Variants in HLA-B observed in about 807,000 individuals in gnomAD.
HLA-B encodes major histocompatibility complex, class I, B, also known as HLA class I antigen HLA-B.
HLA-B carries 31 observed loss-of-function variants against 41.5 expected under a neutral mutation model. That is an observed-to-expected ratio of 0.75 (90% confidence interval 0.56 to 1.01). The LOEUF (loss-of-function observed/expected upper bound fraction) is 1.01, where lower values mean the gene tolerates loss of function less well. HLA-B is among the 50% of genes least tolerant of loss of function. The pLI is 0.00. For synonymous variants in HLA-B, 138 were observed against 189.0 expected (o/e 0.73, Z 2.21); for missense variants, 369 against 457.2 (o/e 0.81, Z 1.76).
Position 31,354,035 on chromosome 6 carries a change from G to C in HLA-B, c.*266C>G, listed in dbSNP as rs1461712630. 1 of 387,578 alleles carries C rather than the reference G, an allele frequency of 2.6e-6. No individual in the cohort carries two copies. The highest frequency in any genetic ancestry group is 4.0e-5 in the Admixed American group (1 of 24,836). 24.0% of individuals were successfully genotyped at this position (387,578 alleles called of 1,614,324 possible). A position where few individuals can be genotyped will look rare whatever the true frequency, so the allele number is the denominator to read the frequency against. On this transcript the variant is annotated 3_prime_UTR_variant, in exon 8 of 8. Coordinates refer to ENST00000412585, the MANE Select transcript of HLA-B (RefSeq NM_005514.8). ...GAAGTTGCAGCTCAGTGCACGTAAA[G>C]TTGAGACAGAGATGGAGACATCCAG...
chr6:31,354,535 G>T lies in HLA-B; in HGVS notation c.1046-9C>A. ...CTGGGCACTGTCGCTGCCTGGAGTA[G>T]AACAAAAACAGGACCTGGTCAGAGC... On this transcript the variant is annotated splice_polypyrimidine_tract_variant and intron_variant, in intron 6 of 7. Coordinates refer to ENST00000412585, the MANE Select transcript of HLA-B (RefSeq NM_005514.8). The T allele has an allele frequency of 2.2e-6, 3 of 1,358,632 alleles. No homozygotes were observed. Among genetic ancestry groups the T allele is most frequent in the South Asian group, 2.5e-5 (2 of 79,952 alleles). 84.2% of individuals were successfully genotyped at this position (1,358,632 alleles called of 1,614,324 possible). A position where few individuals can be genotyped will look rare whatever the true frequency, so the allele number is the denominator to read the frequency against.
At chr6:31,356,466 C>CCCGT in intron 2 of HLA-B, 24 bp from the exon 3 acceptor site, 3 of 718,962 alleles carry the variant, frequency 4.2e-6, no homozygotes, top group Non-Finnish European at 3.7e-6. Flanking sequence ...CGCGGTCAGC[C>CCCGT]CAGTCCCCCG....
Position 31,356,840 on chromosome 6 carries a change from G to A in HLA-B, c.191C>T (p.Ala64Val), listed in dbSNP as rs41552516. 8.3e-7 allele frequency: 1 copy of A among 1,198,050 alleles called. No homozygotes were observed. Among genetic ancestry groups the A allele is most frequent in the Non-Finnish European group, 1.1e-6 (1 of 900,556 alleles). The allele number at this position is 1,198,050 out of a possible 1,614,324, so 74.2% of individuals were successfully genotyped here. Residue 64 changes from alanine to valine, a missense_variant, in exon 2 of 8, where the codon GCC (alanine) becomes GTC (valine). By Grantham distance (64) the Ala-to-Val change is moderately conservative. Coordinates refer to ENST00000412585, the MANE Select transcript of HLA-B (RefSeq NM_005514.8). ...DTQFVRFDSD[A>V]ASPREEPRAP... ...CCGCGGCTCCTCTCTCGGACTCGCG[G>A]CGTCGCTGTCGAACCTCACGAACTG...
chr6:31,354,979 T>C (rs41547514), intron 5 of HLA-B, 128 bp downstream of exon 5: 48 of 344,250 alleles, frequency 1.4e-4, no homozygotes, highest in Middle Eastern at 1.7e-3. Context: ...GCACACAGGG[T>C]CCCAGGCTGC....
In HLA-B at chr6:31,356,772, T is replaced by G. The variant is rs1050570; in HGVS notation, c.259A>C (p.Asn87His). 5.4e-4 allele frequency: 552 copies of G among 1,029,026 alleles called. 1 individual carries two copies. The highest frequency in any genetic ancestry group is 4.0e-3 in the South Asian group (219 of 55,112). The allele number at this position is 1,029,026 out of a possible 1,614,324, so 63.7% of individuals were successfully genotyped here. Reference sequence around the variant, plus strand: ...GCCTGGGCCTTGTAGATCTGTGTGTTCCGGTCCCAATACTCCGGCCCCTCC... The same window carrying G: ...GCCTGGGCCTTGTAGATCTGTGTGTGCCGGTCCCAATACTCCGGCCCCTCC... ...EQEGPEYWDR[N>H]TQIYKAQAQT... Residue 87 changes from asparagine (N) to histidine (H), a missense_variant, in exon 2 of 8, where the codon AAC becomes CAC. Coordinates refer to ENST00000412585, the MANE Select transcript of HLA-B (RefSeq NM_005514.8).
chr6:31,354,226 C>A lies in HLA-B; in HGVS notation c.*75G>T. 1 of 638,722 alleles carries A rather than the reference C, an allele frequency of 1.6e-6. No individual in the cohort carries two copies. Among genetic ancestry groups the A allele is most frequent in the South Asian group, 1.5e-5 (1 of 66,326 alleles). 39.6% of individuals were successfully genotyped at this position (638,722 alleles called of 1,614,324 possible). ...CCTTTGCAGAAAGAGATGCCAGAGG[C>A]TCTTGAAGTCACAAAGGGGAGGCGT... On this transcript the variant is annotated 3_prime_UTR_variant, in exon 8 of 8. Transcript: ENST00000412585.
At chr6:31,354,423 G>GCCCCCTTCC in intron 7 of HLA-B, 56 bp downstream of exon 7, 8 of 318,272 alleles carry the variant, frequency 2.5e-5, no homozygotes, top group Admixed American at 1.2e-4. Flanking sequence ...TTTCCCCTCT[G>GCCCCCTTCC]CCCCACCCAC....
At chr6:31,354,428 A>AACCCCCCC in intron 7 of HLA-B, 51 bp downstream of exon 7, 2 of 153,860 alleles carry the variant, frequency 1.3e-5, no homozygotes, top group South Asian at 5.1e-5. Flanking sequence ...CCTCTGCCCC[A>AACCCCCCC]CCCACCCCCA....
At position 31,356,743 on chromosome 6, in the gene HLA-B, C is replaced by CTT; in HGVS notation, c.287_288insAA (p.Thr97ArgfsTer55). On this transcript the variant is annotated frameshift_variant, in exon 2 of 8. Transcript: ENST00000412585. LOFTEE classifies it high-confidence loss of function. ...GGTTCCGCAGGCTCTCTCGGTCAGT[C>CTT]TGTGCCTGGGCCTTGTAGATCTGTG... 9.0e-7 allele frequency: 1 copy of CTT among 1,116,820 alleles called. No individual in the cohort carries two copies. The allele number at this position is 1,116,820 out of a possible 1,614,324, so 69.2% of individuals were successfully genotyped here. A position where few individuals can be genotyped will look rare whatever the true frequency, so the allele number is the denominator to read the frequency against.
At chr6:31,354,428 A>AACCCCCCCCCC in intron 7 of HLA-B, 51 bp downstream of exon 7, 1 of 153,866 alleles carries the variant, frequency 6.5e-6, no homozygotes, top group Non-Finnish European at 1.1e-5. Context: ...CCTCTGCCCC[A>AACCCCCCCCCC]CCCACCCCCA....
Position 31,354,218 on chromosome 6 carries a change from G to T in HLA-B, c.*83C>A. The T allele has an allele frequency of 3.2e-6, 2 of 627,016 alleles. No individual in the cohort carries two copies. The highest frequency in any genetic ancestry group is 3.1e-5 in the South Asian group (2 of 65,074). The allele number at this position is 627,016 out of a possible 1,614,324, so 38.8% of individuals were successfully genotyped here. On this transcript the variant is annotated 3_prime_UTR_variant, in exon 8 of 8. Coordinates refer to ENST00000412585, the MANE Select transcript of HLA-B (RefSeq NM_005514.8). ...TTCAGGTGCCTTTGCAGAAAGAGAT[G>T]CCAGAGGCTCTTGAAGTCACAAAGG...
rs41273028 is a variant in HLA-B, at chr6:31,355,194, C to A, written c.925G>T (p.Val309Leu). ...ACAGCCAGGCCAGCAACAATGCCCA[C>A]GATGGGGACGGTGGACTGGGAAGAC... is the stretch of plus-strand genomic sequence containing the variant. ...EPSSQSTVPI[V>L]GIVAGLAVLA... The change falls in exon 5 of 8, where the codon GTG (valine) becomes TTG (leucine). Residue 309 changes from valine to leucine, a missense_variant. Around this residue, in one of 6 missense-constraint regions of HLA-B, gnomAD observed 115 missense variants for 78.7 expected, o/e 1.46. Coordinates refer to ENST00000412585, the MANE Select transcript of HLA-B (RefSeq NM_005514.8). 2.5e-6 allele frequency: 3 copies of A among 1,212,572 alleles called. No individual in the cohort carries two copies. 75.1% of individuals were successfully genotyped at this position (1,212,572 alleles called of 1,614,324 possible).
chr6:31,354,437 C>CCCCA, intron 7 of HLA-B, 42 bp downstream of exon 7: 1 of 338,886 alleles, frequency 3.0e-6, no homozygotes, highest in South Asian at 3.6e-5. Flanking sequence ...CACCCACCCC[C>CCCCA]AGACCCGCCA....
At chr6:31,354,694 A>T (rs1766752392) in intron 5 of HLA-B, 29 bp from the exon 6 acceptor site, 2 of 1,134,254 alleles carry the variant, frequency 1.8e-6, no homozygotes, top group Non-Finnish European at 2.4e-6. Context: ...CTGTGAGGGC[A>T]CTGGGAGGAA....
Position 31,357,078 on chromosome 6 carries a change from G to A in HLA-B, c.73+8C>T, listed in dbSNP as rs45551433. 5.5e-6 allele frequency: 5 copies of A among 904,682 alleles called. No individual in the cohort carries two copies. The highest frequency in any genetic ancestry group is 2.5e-5 in the South Asian group (1 of 39,888). The allele number at this position is 904,682 out of a possible 1,614,324, so 56.0% of individuals were successfully genotyped here. On this transcript the variant is annotated splice_region_variant and intron_variant, in intron 1 of 7. Coordinates refer to ENST00000412585, the MANE Select transcript of HLA-B (RefSeq NM_005514.8). ...GCAGAGGCCATTTCCCTCCCGACCCGCACTCACCGGCCCAGGTCTCGGTCA... is the reference window on the plus strand; with the variant it reads ...GCAGAGGCCATTTCCCTCCCGACCCACACTCACCGGCCCAGGTCTCGGTCA...
Position 31,354,316 on chromosome 6 carries a change from T to C in HLA-B, c.*5-20A>G. ...CTCAGGCTACAGAAAACAACAGTCA[T>C]GAACAAATTCTGGTTAGTCATGGTA... is the stretch of plus-strand genomic sequence containing the variant. On this transcript the variant is annotated intron_variant, in intron 7 of 7. Coordinates refer to ENST00000412585, the MANE Select transcript of HLA-B (RefSeq NM_005514.8). The C allele has an allele frequency of 1.7e-6, 1 of 589,692 alleles. No individual in the cohort carries two copies. The highest frequency in any genetic ancestry group is 3.2e-6 in the Non-Finnish European group (1 of 315,596). 36.5% of individuals were successfully genotyped at this position (589,692 alleles called of 1,614,324 possible). A position where few individuals can be genotyped will look rare whatever the true frequency, so the allele number is the denominator to read the frequency against.
chr6:31,356,532 A>AGGCC, intron 2 of HLA-B, 90 bp from the exon 3 acceptor site: 1 of 1,068,018 alleles, frequency 9.4e-7, no homozygotes, highest in Non-Finnish European at 1.3e-6. Flanking sequence ...TGAAAATGAA[A>AGGCC]CCGGGTAAAC....
rs1055821 is a variant in HLA-B, at chr6:31,354,142, G to T, written c.*159C>A. On this transcript the variant is annotated 3_prime_UTR_variant, in exon 8 of 8. Coordinates refer to ENST00000412585, the MANE Select transcript of HLA-B (RefSeq NM_005514.8). ...AACAGGGGTCACAGTGGACACAAGG[G>T]TGGGCTGTCTCTCCACCTCCTCACA... 28,104 of 494,960 alleles carry T rather than the reference G, an allele frequency of 0.057. 1,017 individuals carry two copies. The highest frequency in any genetic ancestry group is 0.074 in the South Asian group (3,851 of 52,086). The allele number at this position is 494,960 out of a possible 1,614,324, so 30.7% of individuals were successfully genotyped here. A position where few individuals can be genotyped will look rare whatever the true frequency, so the allele number is the denominator to read the frequency against.
chr6:31,356,925 CGG>C lies in HLA-B; in HGVS notation c.104_105del (p.Ser35CysfsTer63). 1.0e-6 allele frequency: 1 copy of C among 964,950 alleles called. No homozygotes were observed. Among genetic ancestry groups the C allele is most frequent in the Non-Finnish European group, 1.4e-6 (1 of 728,396 alleles). The allele number at this position is 964,950 out of a possible 1,614,324, so 59.8% of individuals were successfully genotyped here. A position where few individuals can be genotyped will look rare whatever the true frequency, so the allele number is the denominator to read the frequency against. ...GGCTCCCCGCGGCCGGGCCGGGACA[CGG>C]AGGTGTAGAAATACCTCATGGAGTG... ...GSHSMRYFYT[S>X]VSRPGRGEPR... On this transcript the variant is annotated frameshift_variant, in exon 2 of 8. Coordinates refer to ENST00000412585, the MANE Select transcript of HLA-B (RefSeq NM_005514.8). LOFTEE classifies it high-confidence loss of function.
Sources: gnomAD v4.1 joint callset for allele counts on GRCh38, gnomAD v4.1.1 for gene constraint, gnomAD v4.1.1 regional missense constraint, MANE v1.5 for transcripts, NCBI Gene and HGNC (gene_info 2026-07-23, HGNC 2026-07-21) for gene names.